The following PTPRG variants were observed in gnomAD, a reference collection of about 807,000 sequenced individuals.
The protein encoded by PTPRG is receptor-type tyrosine-protein phosphatase gamma.
A neutral mutation model predicts 165.3 loss-of-function variants in PTPRG; 102 were observed. The ratio of observed to expected loss-of-function variants is 0.62; its 90% confidence interval spans 0.53 to 0.73. The LOEUF (loss-of-function observed/expected upper bound fraction) is 0.73, where lower values mean the gene tolerates loss of function less well. Among genes scored for constraint, PTPRG ranks in the 30% least tolerant of loss-of-function variants. PTPRG has a pLI of 0.00. For synonymous variants in PTPRG, 675 were observed against 669.5 expected (o/e 1.01, Z -0.13); for missense variants, 1,866 against 1,861.4 (o/e 1.00, Z -0.05).
Position 62,276,693 on chromosome 3 carries a change from T to C in PTPRG, c.3560-279T>C, listed in dbSNP as rs1030583031. ...AAAAGTTATCTAAAATCCTCTGTTGTGTCCATATAAAGTATTCTGTTATTG... is the reference window on the plus strand; with the variant it reads ...AAAAGTTATCTAAAATCCTCTGTTGCGTCCATATAAAGTATTCTGTTATTG... On this transcript the variant is annotated intron_variant, in intron 24 of 29. Coordinates refer to ENST00000474889, the MANE Select transcript of PTPRG (RefSeq NM_002841.4). The C allele has an allele frequency of 1.0e-5, 4 of 394,542 alleles. No homozygotes were observed. The East Asian group carries it at 1.7e-4, about 17-fold the overall frequency. 24.4% of individuals were successfully genotyped at this position (394,542 alleles called of 1,614,324 possible). A position where few individuals can be genotyped will look rare whatever the true frequency, so the allele number is the denominator to read the frequency against.
Position 62,293,829 on chromosome 3 carries a change from T to C in PTPRG, c.*522T>C, listed in dbSNP as rs1432671000. 1 of 152,570 alleles carries C rather than the reference T, an allele frequency of 6.6e-6. No individual in the cohort carries two copies. The highest frequency in any genetic ancestry group is 2.4e-5 in the African/African-American group (1 of 41,436). The allele number at this position is 152,570 out of a possible 1,614,324, so 9.5% of individuals were successfully genotyped here. A position where few individuals can be genotyped will look rare whatever the true frequency, so the allele number is the denominator to read the frequency against. ...TTTCTTTTACAGACTAGCAGGCTAC[T>C]GGGACCTAAAAAGGTCTGTTAATGT... On this transcript the variant is annotated 3_prime_UTR_variant, in exon 30 of 30. Transcript: ENST00000474889.
At chr3:61,649,817 T>C (rs758256686) in intron 1 of PTPRG, among the ~76,000 whole-genome samples, 1 of 152,224 alleles carries the variant, frequency 6.6e-6, no homozygotes, top group Non-Finnish European at 1.5e-5. Context: ...TTGCTCAAGA[T>C]CATGTGGCTG....
At chr3:62,285,266 C>T (rs1426053968) in intron 28 of PTPRG, among the ~76,000 whole-genome samples, 2 of 152,100 alleles carry the variant, frequency 1.3e-5, no homozygotes, top group African/African-American at 4.8e-5. Flanking sequence ...ATATGTACCC[C>T]TATAACAAAT....
At chr3:61,973,666 T>C (rs2040434208) in intron 2 of PTPRG, among the ~76,000 whole-genome samples, 1 of 151,920 alleles carries the variant, frequency 6.6e-6, no homozygotes, top group Admixed American at 6.6e-5. Flanking sequence ...ACCTCATCTC[T>C]ACTAAAAATA....
At chr3:61,831,870 G>A (rs2036305588) in intron 2 of PTPRG, among the ~76,000 whole-genome samples, 1 of 152,002 alleles carries the variant, frequency 6.6e-6, no homozygotes, top group African/African-American at 2.4e-5. Context: ...AGATATTGAT[G>A]GGTGGTAAAA....
chr3:61,678,753 A>G (rs912910707), intron 1 of PTPRG, among the ~76,000 whole-genome samples: 2 of 152,142 alleles, frequency 1.3e-5, no homozygotes, highest in East Asian at 3.9e-4. Context: ...TTATTATACA[A>G]ATAACCCCAA....
intron 4 of PTPRG, among the ~76,000 whole-genome samples, chr3:62,036,110 A>C (rs1345147244): frequency 1.3e-5 from 2 of 152,176 alleles, no homozygotes; most frequent in African/African-American, 4.8e-5. Flanking sequence ...ACAGATACAA[A>C]AACATCATAA....
intron 4 of PTPRG, among the ~76,000 whole-genome samples, chr3:62,006,846 C>G (rs1003086563): frequency 6.6e-6 from 1 of 152,164 alleles, no homozygotes; most frequent in African/African-American, 2.4e-5. Context: ...AATCATCCAG[C>G]CCCAAAATGT....
intron 2 of PTPRG, among the ~76,000 whole-genome samples, chr3:61,825,392 G>T (rs2036076520): frequency 6.6e-6 from 1 of 152,158 alleles, no homozygotes; most frequent in Admixed American, 6.5e-5. Flanking sequence ...GTTGCTTCTG[G>T]TTATGATCCA....
intron 4 of PTPRG, among the ~76,000 whole-genome samples, chr3:62,019,745 G>A (rs958522471): frequency 6.6e-6 from 1 of 152,022 alleles, no homozygotes; most frequent in African/African-American, 2.4e-5. Context: ...ACATAATGTT[G>A]TATGCCATGA....
At chr3:61,626,028 G>T (rs201379350) in intron 1 of PTPRG, among the ~76,000 whole-genome samples, 1 of 105,406 alleles carries the variant, frequency 9.5e-6, no homozygotes, top group African/African-American at 4.6e-5. Context: ...TTTTTTGGGG[G>T]GGCGGGAGAG....
chr3:61,933,735 T>G (rs2039417560), intron 2 of PTPRG, among the ~76,000 whole-genome samples: 1 of 151,750 alleles, frequency 6.6e-6, no homozygotes, highest in African/African-American at 2.4e-5. Context: ...TTCTAGAGTG[T>G]TTTTTAGATA....
At chr3:62,149,314 A>C (rs1704239765) in intron 6 of PTPRG, among the ~76,000 whole-genome samples, 1 of 138,598 alleles carries the variant, frequency 7.2e-6, no homozygotes, top group South Asian at 2.2e-4. Context: ...TCACTCTGTC[A>C]CCAGGCTGGA....
chr3:61,905,115 A>G (rs1306563942), intron 2 of PTPRG, among the ~76,000 whole-genome samples: 1 of 152,170 alleles, frequency 6.6e-6, no homozygotes, highest in Non-Finnish European at 1.5e-5. Flanking sequence ...ATATTTGAAA[A>G]TCAGATGCGG....
intron 5 of PTPRG, among the ~76,000 whole-genome samples, chr3:62,093,622 G>T (rs1296084088): frequency 6.6e-6 from 1 of 152,206 alleles, no homozygotes; most frequent in Non-Finnish European, 1.5e-5. Context: ...CCTTGGAGAT[G>T]AGCATGTGGA....
intron 28 of PTPRG, among the ~76,000 whole-genome samples, chr3:62,290,868 C>A (rs1454562742): frequency 6.6e-6 from 1 of 152,016 alleles, no homozygotes; most frequent in African/African-American, 2.4e-5. Flanking sequence ...AAAGCATTCT[C>A]AAACAAGATT....
chr3:61,798,627 T>G (rs1048158262), intron 2 of PTPRG, among the ~76,000 whole-genome samples: 2 of 151,608 alleles, frequency 1.3e-5, no homozygotes. Flanking sequence ...TGGTTTTTTT[T>G]TTTTTTTTTT....
intron 1 of PTPRG, among the ~76,000 whole-genome samples, chr3:61,655,336 T>G (rs923917623): frequency 5.9e-5 from 9 of 152,228 alleles, no homozygotes; most frequent in Non-Finnish European, 1.2e-4. Context: ...TTCACTTATT[T>G]GTTGACCTGT....
intron 7 of PTPRG, among the ~76,000 whole-genome samples, chr3:62,165,180 G>C (rs1032230025): frequency 3.3e-5 from 5 of 152,108 alleles, no homozygotes; most frequent in African/African-American, 1.2e-4. Context: ...TTTTCCTCAG[G>C]CTAACCAATT....
Sources: gnomAD v4.1 joint callset for allele counts (sites outside exome capture counted in the v4.1 genomes callset) on GRCh38, gnomAD v4.1.1 for gene constraint, MANE v1.5 for transcripts, NCBI Gene and HGNC (gene_info 2026-07-23, HGNC 2026-07-21) for gene names.